TBCK: variants seen among roughly 807,000 people sequenced by gnomAD.
TBCK encodes TBC domain-containing protein kinase-like protein.
TBCK carries 99 observed loss-of-function variants against 113.4 expected under a neutral mutation model. That is an observed-to-expected ratio of 0.87 (90% CI 0.74 to 1.03). The LOEUF is 1.03. Ranked by LOEUF, TBCK falls within the 50% of genes least tolerant of loss-of-function variation. TBCK has a pLI of 0.00. For missense variants in TBCK, 1,045 were observed against 1,061.3 expected (o/e 0.98, Z 0.21); for synonymous variants, 369 against 370.8 (o/e 1.00, Z 0.05).
intron 3 of TBCK, among the ~76,000 whole-genome samples, chr4:106,285,881 G>T (rs1276465070): frequency 6.6e-6 from 1 of 152,128 alleles, no homozygotes; most frequent in East Asian, 1.9e-4. Context: ...CTATAAACAG[G>T]TTATAAAATT....
chr4:106,066,214 T>C (rs1320817791), intron 25 of TBCK, among the ~76,000 whole-genome samples: 4 of 152,050 alleles, frequency 2.6e-5, no homozygotes, highest in Admixed American at 6.6e-5. Context: ...GTATAGTAAT[T>C]TCTGCATATC....
intron 23 of TBCK, among the ~76,000 whole-genome samples, chr4:106,140,963 T>C (rs1374318943): frequency 7.1e-6 from 1 of 140,622 alleles, no homozygotes; most frequent in Admixed American, 7.0e-5. Context: ...TAGTCATGGC[T>C]TATATTTAGT....
chr4:106,092,020 T>C (rs1317133427), intron 25 of TBCK, among the ~76,000 whole-genome samples: 1 of 152,206 alleles, frequency 6.6e-6, no homozygotes, highest in Non-Finnish European at 1.5e-5. Context: ...TGCTGATTGG[T>C]GTATTTACAA....
chr4:106,105,093 G>T (rs1049116233), intron 24 of TBCK, among the ~76,000 whole-genome samples: 1 of 152,210 alleles, frequency 6.6e-6, no homozygotes, highest in South Asian at 2.1e-4. Flanking sequence ...CAGTGGAACT[G>T]CCCTAGCCAC....
chr4:106,262,375 T>A (rs746176454), intron 3 of TBCK, among the ~76,000 whole-genome samples, 163 bp from the exon 4 acceptor site: 5 of 152,096 alleles, frequency 3.3e-5, no homozygotes, highest in Admixed American at 2.0e-4. Context: ...AATATCTACC[T>A]CTACATATTT....
intron 20 of TBCK, among the ~76,000 whole-genome samples, chr4:106,205,587 CAAAAAAAAAAA>C (rs70941240): frequency 1.2e-4 from 8 of 64,200 alleles, no homozygotes; most frequent in Non-Finnish European, 2.0e-4. Context: ...ACTAAAAATA[CAAAAAAAAAAA>C]AAAAAAAAAA....
chr4:106,113,763 A>T (rs891470572), intron 24 of TBCK, among the ~76,000 whole-genome samples: 1 of 152,140 alleles, frequency 6.6e-6, no homozygotes, highest in Non-Finnish European at 1.5e-5. Context: ...CACTCCAGAT[A>T]ATTTGTTCCT....
intron 23 of TBCK, among the ~76,000 whole-genome samples, chr4:106,165,225 T>G (rs751277067): frequency 1.3e-5 from 2 of 151,786 alleles, no homozygotes; most frequent in Non-Finnish European, 3.0e-5. Flanking sequence ...TATCTTTACT[T>G]ATTATTTTCT....
chr4:106,160,300 T>C (rs1749622189), intron 23 of TBCK, among the ~76,000 whole-genome samples: 1 of 151,930 alleles, frequency 6.6e-6, no homozygotes, highest in African/African-American at 2.4e-5. Context: ...TAAAATATTT[T>C]GTGCATCAAA....
chr4:106,046,411 A>G lies in TBCK; in HGVS notation c.*159T>C. 2 of 519,684 alleles carry G rather than the reference A, an allele frequency of 3.8e-6. No homozygotes were observed. The highest frequency in any genetic ancestry group is 5.9e-5 in the South Asian group (2 of 33,724). 32.2% of individuals were successfully genotyped at this position (519,684 alleles called of 1,614,324 possible). ...TCAAGTTTCTTGCATGGATAACTGAACATGTGGGTTATGAGATTTTAAAAA... is the reference window on the plus strand; with the variant it reads ...TCAAGTTTCTTGCATGGATAACTGAGCATGTGGGTTATGAGATTTTAAAAA... On this transcript the variant is annotated 3_prime_UTR_variant, in exon 26 of 26. Coordinates refer to ENST00000394708, the MANE Select transcript of TBCK (RefSeq NM_001163435.3).
chr4:106,095,618 C>T lies in TBCK; in HGVS notation c.2435G>A (p.Gly812Glu). The T allele has an allele frequency of 6.2e-7, 1 of 1,613,004 alleles. No individual in the cohort carries two copies. The highest frequency in any genetic ancestry group is 8.5e-7 in the Non-Finnish European group (1 of 1,179,522). ...SEDFIRGHIS[G>E]SINIPFSAAF... is the part of the protein sequence containing the mutation. The stretch of plus-strand genomic sequence containing the variant: ...AGCACTGAATGGAATGTTGATGCTT[C>T]CTGAAATGTGACCACGAATAAAGCT... The change falls in exon 25 of 26, where the codon GGA becomes GAA. Residue 812 changes from glycine (G) to glutamate (E), a missense_variant. By Grantham distance (98) the Gly-to-Glu change is moderately conservative. Transcript: ENST00000394708.
At chr4:106,116,675 G>A (rs1053699053) in intron 23 of TBCK, among the ~76,000 whole-genome samples, 4 of 152,050 alleles carry the variant, frequency 2.6e-5, no homozygotes, top group Admixed American at 1.3e-4. Context: ...TCCGAGCTCC[G>A]CCTCCTGTCA....
At chr4:106,132,726 G>C (rs1261989016) in intron 23 of TBCK, among the ~76,000 whole-genome samples, 1 of 152,212 alleles carries the variant, frequency 6.6e-6, no homozygotes, top group Non-Finnish European at 1.5e-5. Context: ...CAGAGGGGCA[G>C]AGCTGCCCAA....
rs1164588233 is a variant in TBCK at position 106,193,623 on chromosome 4, A to G, written c.2045T>C (p.Phe682Ser). Residue 682 changes from phenylalanine to serine, a missense_variant, in exon 22 of 26, where the codon TTC becomes TCC. Coordinates refer to ENST00000394708, the MANE Select transcript of TBCK (RefSeq NM_001163435.3). ...ANGFNECILL[F>S]SDLPEIDIER... ...TAGATCTATACCTGGTAAATCGGAG[A>G]AGAGAAGAATACACTCATTAAAGCC... The G allele has an allele frequency of 6.2e-7, 1 of 1,613,394 alleles. No individual in the cohort carries two copies.
At position 106,233,608 on chromosome 4, in the gene TBCK, G is replaced by C; in HGVS notation, c.1492C>G (p.Pro498Ala). Residue 498 changes from proline (P) to alanine (A), a missense_variant, in exon 16 of 26, where the codon CCA becomes GCA. Coordinates refer to ENST00000394708, the MANE Select transcript of TBCK (RefSeq NM_001163435.3). ...CATACTTGTCTATCTGTAGGAATTG[G>C]AGTGTCTTTATCAATTGCATCGTAC... ...AKYDAIDKDTPIPTDRQIEVD... is the reference protein window; with the variant it reads ...AKYDAIDKDTAIPTDRQIEVD... 3 of 1,611,302 alleles carry C rather than the reference G, an allele frequency of 1.9e-6. No individual in the cohort carries two copies. The highest frequency in any genetic ancestry group is 1.7e-4 in the Middle Eastern group (1 of 5,972).
intron 2 of TBCK, among the ~76,000 whole-genome samples, chr4:106,300,330 A>C (rs1766807239): frequency 6.6e-6 from 1 of 152,226 alleles, no homozygotes; most frequent in South Asian, 2.1e-4. Context: ...AAGAGAACAC[A>C]CATTTAAGCA....
intron 24 of TBCK, among the ~76,000 whole-genome samples, chr4:106,108,241 T>TA (rs1380469320): frequency 6.6e-6 from 1 of 152,106 alleles, no homozygotes; most frequent in Non-Finnish European, 1.5e-5. Context: ...AAGGGACTTA[T>TA]ACCTAACTCA....
At chr4:106,173,681 T>G (rs1466407097) in intron 22 of TBCK, among the ~76,000 whole-genome samples, 1 of 152,110 alleles carries the variant, frequency 6.6e-6, no homozygotes, top group Non-Finnish European at 1.5e-5. Flanking sequence ...ACCCTGATGG[T>G]TAGTTCTAAC....
At chr4:106,071,568 T>G in intron 25 of TBCK, among the ~76,000 whole-genome samples, 1 of 152,240 alleles carries the variant, frequency 6.6e-6, no homozygotes, top group East Asian at 1.9e-4. Flanking sequence ...GAAGAATGTA[T>G]ATTCTGTTGA....
Sources: gnomAD v4.1 joint callset for allele counts (sites outside exome capture counted in the v4.1 genomes callset) on GRCh38, gnomAD v4.1.1 for gene constraint, MANE v1.5 for transcripts, NCBI Gene and HGNC (gene_info 2026-07-23, HGNC 2026-07-21) for gene names.